Variants in ATXN1 observed in about 807,000 individuals in gnomAD.
ATXN1 encodes the protein ataxin 1.
A neutral mutation model predicts 56.4 loss-of-function variants in ATXN1; 8 were observed. The observed-to-expected ratio is 0.14, with a 90% CI of 0.08 to 0.26. The LOEUF (loss-of-function observed/expected upper bound fraction) is 0.26. Among genes scored for constraint, ATXN1 ranks in the 10% least tolerant of loss-of-function variants. ATXN1 has a pLI of 1.00. For missense variants in ATXN1, 987 were observed against 1,106.5 expected (o/e 0.89, Z 1.53); for synonymous variants, 514 against 494.6 (o/e 1.04, Z -0.52).
intron 3 of ATXN1, among the ~76,000 whole-genome samples, chr6:16,621,207 C>T (rs1275265529): frequency 6.6e-6 from 1 of 152,196 alleles, no homozygotes; most frequent in East Asian, 1.9e-4. Context: ...GATAACGCAG[C>T]TCAGTGGGTT....
Position 16,601,577 on chromosome 6 carries a change from G to A in ATXN1, c.-488-15670C>T, listed in dbSNP as rs577938634. On this transcript the variant is annotated intron_variant, in intron 3 of 7. Coordinates refer to ENST00000436367, the MANE Select transcript of ATXN1 (RefSeq NM_001128164.2). ...TAAAATCTATTTATTTCAGCTGTGC[G>A]CAGTGGCTCACGCCTGTAATCCCAG... 2.1e-3 allele frequency among the ~76,000 whole-genome samples: 318 copies of A among 152,212 alleles called. 1 individual carries two copies. The highest frequency in any genetic ancestry group is 3.2e-3 in the Non-Finnish European group (221 of 68,010).
chr6:16,747,324 G>A (rs867869046), intron 2 of ATXN1, among the ~76,000 whole-genome samples: 5 of 152,106 alleles, frequency 3.3e-5, no homozygotes, highest in Admixed American at 1.3e-4. Context: ...CAGGCCTACA[G>A]TGGAGTTTCT....
intron 6 of ATXN1, among the ~76,000 whole-genome samples, chr6:16,339,301 A>G (rs1761191963): frequency 6.6e-6 from 1 of 152,232 alleles, no homozygotes; most frequent in South Asian, 2.1e-4. Flanking sequence ...CAAGTCAGGA[A>G]AAAGGTCTCG....
At chr6:16,585,488 A>T (rs74929720) in intron 4 of ATXN1, among the ~76,000 whole-genome samples, 2,119 of 152,286 alleles carry the variant, frequency 0.014, 35 homozygotes, top group East Asian at 0.083. Context: ...CTCTAAGTGA[A>T]TTTATAAATC....
rs9358098 is a variant in ATXN1, at chr6:16,581,868, G to A, written c.-361+3912C>T. On this transcript the variant is annotated intron_variant, in intron 4 of 7. Transcript: ENST00000436367. ...AATCACCATACTGTGATAAAGACAC[G>A]GTGACATCCATCTTTCTAACATGTT... Among the ~76,000 whole-genome samples, 98 of 152,192 alleles carry A rather than the reference G, an allele frequency of 6.4e-4. 2 individuals are homozygous for A. In the East Asian group the frequency reaches 0.017, roughly 26 times the overall value.
At chr6:16,397,260 TTTTTTG>T (rs1758476488) in intron 6 of ATXN1, among the ~76,000 whole-genome samples, 1 of 151,884 alleles carries the variant, frequency 6.6e-6, no homozygotes, top group Non-Finnish European at 1.5e-5. Flanking sequence ...TTTTGTTTTG[TTTTTTG>T]TTTTTTTGTT....
chr6:16,739,625 C>T (rs79515017), intron 2 of ATXN1: 1 of 318,610 alleles, frequency 3.1e-6, no homozygotes, highest in African/African-American at 2.1e-5. Flanking sequence ...TCAGGCAGAA[C>T]ATTTAACATC....
intron 6 of ATXN1, among the ~76,000 whole-genome samples, chr6:16,381,003 A>C (rs907131998): frequency 4.6e-5 from 7 of 152,164 alleles, no homozygotes; most frequent in Admixed American, 2.0e-4. Flanking sequence ...TGAAAAGGGG[A>C]AATGTGGGCT....
chr6:16,438,762 C>T (rs1402907260), intron 6 of ATXN1, among the ~76,000 whole-genome samples: 1 of 152,126 alleles, frequency 6.6e-6, no homozygotes, highest in African/African-American at 2.4e-5. Flanking sequence ...TTAATAGCAA[C>T]ACTTCTTAAG....
At chr6:16,578,535 T>C (rs1561763946) in intron 4 of ATXN1, among the ~76,000 whole-genome samples, 1 of 152,196 alleles carries the variant, frequency 6.6e-6, no homozygotes. Context: ...ACAGAAGAGT[T>C]TTCCTTTCTG....
At chr6:16,337,144 T>A (rs1392548557) in intron 6 of ATXN1, among the ~76,000 whole-genome samples, 2 of 152,176 alleles carry the variant, frequency 1.3e-5, no homozygotes, top group Non-Finnish European at 2.9e-5. Context: ...CCCTTATCCC[T>A]AAGTGGGGCT....
At position 16,587,528 on chromosome 6, in the gene ATXN1, T is replaced by C. The variant is rs1238535540; in HGVS notation, c.-488-1621A>G. 2.6e-5 allele frequency among the ~76,000 whole-genome samples: 4 copies of C among 152,220 alleles called. No individual in the cohort carries two copies. The East Asian group carries it at 5.8e-4, about 22-fold the overall frequency. On this transcript the variant is annotated intron_variant, in intron 3 of 7. Transcript: ENST00000436367. ...TATGGGTCCCACAATAACTCTCCTT[T>C]TGTATATGTGTAGGCATTTATTTGC... is the stretch of plus-strand genomic sequence containing the variant.
intron 3 of ATXN1, among the ~76,000 whole-genome samples, chr6:16,639,965 AT>A (rs1176096283): frequency 6.6e-6 from 1 of 150,964 alleles, no homozygotes; most frequent in Admixed American, 6.6e-5. Flanking sequence ...ACAGAACGTT[AT>A]TTTTTTTTAA....
rs1357893507 is a variant in ATXN1 at position 16,506,341 on chromosome 6, GA to G, written c.-299+16285del. ...TTAAGGGAAATGGTCATTTTCTAAT[GA>G]TTTTTCTCTAGTATGATTTTATTTA... On this transcript the variant is annotated intron_variant, in intron 5 of 7. Coordinates refer to ENST00000436367, the MANE Select transcript of ATXN1 (RefSeq NM_001128164.2). This position sits in a 1 kb window ranked among gnomAD's most constrained non-coding sequence, Gnocchi z 4.1. 6.6e-6 allele frequency among the ~76,000 whole-genome samples: 1 copy of G among 152,114 alleles called. No individual in the cohort carries two copies. The highest frequency in any genetic ancestry group is 1.5e-5 in the Non-Finnish European group (1 of 68,018).
intron 6 of ATXN1, among the ~76,000 whole-genome samples, chr6:16,418,975 C>T (rs994984312): frequency 6.6e-6 from 1 of 152,000 alleles, no homozygotes; most frequent in Admixed American, 6.5e-5. Context: ...CCTGGTTATC[C>T]TTCATTGAAC....
intron 2 of ATXN1, among the ~76,000 whole-genome samples, chr6:16,745,507 AAAC>A (rs1459241545): frequency 1.3e-5 from 2 of 152,244 alleles, no homozygotes; most frequent in African/African-American, 4.8e-5. Context: ...AAGAACTAAA[AAAC>A]AACACATAAA....
At chr6:16,473,569 G>A (rs555750527) in intron 6 of ATXN1, among the ~76,000 whole-genome samples, 2 of 152,246 alleles carry the variant, frequency 1.3e-5, no homozygotes, top group East Asian at 3.9e-4. Context: ...CTTTGGCTGG[G>A]TGATGACAAT....
chr6:16,351,174 T>G (rs1006632476), intron 6 of ATXN1, among the ~76,000 whole-genome samples: 2 of 152,150 alleles, frequency 1.3e-5, no homozygotes, highest in East Asian at 1.9e-4. Context: ...AAATGTGAGG[T>G]AGAAAAAACT....
chr6:16,331,730 G>T (rs1037059603), intron 6 of ATXN1, among the ~76,000 whole-genome samples: 1 of 152,072 alleles, frequency 6.6e-6, no homozygotes, highest in African/African-American at 2.4e-5. Context: ...ATTCAGGAAG[G>T]GTCTATTAGC....
Sources: gnomAD v4.1 joint callset for allele counts (sites outside exome capture counted in the v4.1 genomes callset) on GRCh38, gnomAD v4.1.1 for gene constraint, Gnocchi (gnomAD v3.1) non-coding constraint, MANE v1.5 for transcripts, NCBI Gene and HGNC (gene_info 2026-07-23, HGNC 2026-07-21) for gene names.